The following MLLT3 variants were observed in gnomAD, a reference collection of about 807,000 sequenced individuals.
MLLT3 encodes the protein MLLT3 super elongation complex subunit.
A neutral mutation model predicts 53.2 loss-of-function variants in MLLT3; 4 were observed. That is an observed-to-expected ratio of 0.08 (90% CI 0.04 to 0.17). The LOEUF (loss-of-function observed/expected upper bound fraction) is 0.17, where lower values mean the gene tolerates loss of function less well. MLLT3 is among the 10% of genes least tolerant of loss of function. The pLI is 1.00. For synonymous variants in MLLT3, 283 were observed against 230.6 expected (o/e 1.23, Z -2.06); for missense variants, 569 against 684.0 (o/e 0.83, Z 1.87).
intron 2 of MLLT3, among the ~76,000 whole-genome samples, chr9:20,503,502 T>G (rs1459073910): frequency 6.6e-6 from 1 of 152,112 alleles, no homozygotes; most frequent in South Asian, 2.1e-4. Flanking sequence ...CACATAAGAA[T>G]GAAATTCGAC....
At position 20,591,684 on chromosome 9, in the gene MLLT3, T is replaced by C. The variant is rs115362316; in HGVS notation, c.193+28970A>G. On this transcript the variant is annotated intron_variant, in intron 2 of 10. Coordinates refer to ENST00000380338, the MANE Select transcript of MLLT3 (RefSeq NM_004529.4). ...GTGAACTCACCATTTAGGGAGCATCTTGAATATGAAATATTTCACAGAAAG... is the reference window on the plus strand; with the variant it reads ...GTGAACTCACCATTTAGGGAGCATCCTGAATATGAAATATTTCACAGAAAG... 6.8e-3 allele frequency among the ~76,000 whole-genome samples: 1,029 copies of C among 152,302 alleles called. 18 individuals are homozygous for C. The highest frequency in any genetic ancestry group is 0.024 in the African/African-American group (998 of 41,562).
chr9:20,554,696 C>T (rs1045563624), intron 2 of MLLT3, among the ~76,000 whole-genome samples: 1 of 152,184 alleles, frequency 6.6e-6, no homozygotes, highest in Non-Finnish European at 1.5e-5. Context: ...ATGGGTGACA[C>T]CCTCCAAAGA....
chr9:20,374,965 T>C (rs1034297612), intron 5 of MLLT3, among the ~76,000 whole-genome samples: 1 of 152,236 alleles, frequency 6.6e-6, no homozygotes, highest in East Asian at 1.9e-4. Context: ...ATTGGTATCC[T>C]TGTAAGAACA....
intron 8 of MLLT3, among the ~76,000 whole-genome samples, chr9:20,358,469 T>A (rs905959716): frequency 6.6e-6 from 1 of 152,246 alleles, no homozygotes; most frequent in African/African-American, 2.4e-5. Context: ...AGTATGCTAC[T>A]TAATCAGATA....
chr9:20,471,206 A>T (rs1172902955), intron 2 of MLLT3, among the ~76,000 whole-genome samples: 2 of 152,054 alleles, frequency 1.3e-5, no homozygotes, highest in Non-Finnish European at 2.9e-5. Flanking sequence ...CTGGATGCTT[A>T]TATGAAAAGT....
At chr9:20,460,585 C>G (rs1278211126) in intron 2 of MLLT3, among the ~76,000 whole-genome samples, 1 of 152,164 alleles carries the variant, frequency 6.6e-6, no homozygotes, top group Non-Finnish European at 1.5e-5. Flanking sequence ...CCCTCTCAGA[C>G]TCCTCCACTA....
intron 2 of MLLT3, among the ~76,000 whole-genome samples, chr9:20,611,715 A>T (rs1225555620): frequency 1.3e-5 from 2 of 152,150 alleles, no homozygotes; most frequent in South Asian, 4.1e-4. Flanking sequence ...CATACCAACT[A>T]AATCACACCC....
chr9:20,600,296 G>A (rs547829099), intron 2 of MLLT3, among the ~76,000 whole-genome samples: 1 of 152,302 alleles, frequency 6.6e-6, no homozygotes, highest in East Asian at 1.9e-4. Flanking sequence ...CATGCCTGAT[G>A]CCAGACTAAG....
intron 2 of MLLT3, among the ~76,000 whole-genome samples, chr9:20,493,171 CTT>C (rs1303934899): frequency 6.6e-6 from 1 of 151,896 alleles, no homozygotes; most frequent in Non-Finnish European, 1.5e-5. Context: ...TTATTAGAAA[CTT>C]TATCTTCAAG....
At position 20,504,421 on chromosome 9, in the gene MLLT3, G is replaced by A. The variant is rs571702146; in HGVS notation, c.194-47635C>T. On this transcript the variant is annotated intron_variant, in intron 2 of 10. Transcript: ENST00000380338. Reference sequence around the variant, plus strand: ...CTGAATACTATTCAGCCTTTAAAAAGAAGGAAATCCTGTCATTTTCAACAA... The same window carrying A: ...CTGAATACTATTCAGCCTTTAAAAAAAAGGAAATCCTGTCATTTTCAACAA... Among the ~76,000 whole-genome samples the A allele has an allele frequency of 4.6e-5, 7 of 151,860 alleles. No homozygotes were observed. The South Asian group carries it at 1.5e-3, about 32-fold the overall frequency.
At chr9:20,494,189 T>C (rs1230536857) in intron 2 of MLLT3, among the ~76,000 whole-genome samples, 1 of 152,188 alleles carries the variant, frequency 6.6e-6, no homozygotes, top group Non-Finnish European at 1.5e-5. Context: ...TTGGCTTCCA[T>C]GATTCCTAGG....
At chr9:20,393,059 G>A (rs540821758) in intron 5 of MLLT3, among the ~76,000 whole-genome samples, 3 of 152,208 alleles carry the variant, frequency 2.0e-5, no homozygotes, top group South Asian at 4.2e-4. Flanking sequence ...GGAGGCTGAG[G>A]CAGGAGAATT....
chr9:20,576,417 C>T (rs1236073683), intron 2 of MLLT3, among the ~76,000 whole-genome samples: 1 of 152,170 alleles, frequency 6.6e-6, no homozygotes, highest in Middle Eastern at 3.2e-3. Flanking sequence ...CACAAGAGAT[C>T]TAGGTTTTGG....
At position 20,363,621 on chromosome 9, in the gene MLLT3, G is replaced by A; in HGVS notation, c.1202-16C>T. ...CTCAAAGGACCTGAGTAATGACAAT[G>A]AACCACAGGCAATCAAACATATACT... On this transcript the variant is annotated splice_polypyrimidine_tract_variant and intron_variant, in intron 6 of 10. Transcript: ENST00000380338. 1 of 1,611,738 alleles carries A rather than the reference G, an allele frequency of 6.2e-7. No homozygotes were observed. The highest frequency in any genetic ancestry group is 8.5e-7 in the Non-Finnish European group (1 of 1,179,416).
chr9:20,354,608 C>T (rs895846273), intron 9 of MLLT3, among the ~76,000 whole-genome samples, 200 bp downstream of exon 9: 4 of 152,144 alleles, frequency 2.6e-5, no homozygotes, highest in Admixed American at 6.5e-5. Context: ...CAGCATAAGG[C>T]CAAGCTTAAT....
intron 4 of MLLT3, among the ~76,000 whole-genome samples, chr9:20,444,192 T>C (rs1823631117): frequency 6.6e-6 from 1 of 152,190 alleles, no homozygotes; most frequent in African/African-American, 2.4e-5. Flanking sequence ...AAATTATCTG[T>C]CGTGATCATA....
At chr9:20,543,471 C>T (rs1331664761) in intron 2 of MLLT3, among the ~76,000 whole-genome samples, 3 of 152,138 alleles carry the variant, frequency 2.0e-5, no homozygotes, top group Non-Finnish European at 2.9e-5. Context: ...ATTCCCATAA[C>T]ATATATAAGA....
chr9:20,540,469 A>G (rs1048630592), intron 2 of MLLT3, among the ~76,000 whole-genome samples: 11 of 152,184 alleles, frequency 7.2e-5, no homozygotes, highest in African/African-American at 2.4e-4. Flanking sequence ...GCACACCCAC[A>G]GGTCCAACAC....
At chr9:20,431,218 C>G (rs1444298489) in intron 4 of MLLT3, among the ~76,000 whole-genome samples, 2 of 152,148 alleles carry the variant, frequency 1.3e-5, no homozygotes, top group Non-Finnish European at 2.9e-5. Flanking sequence ...CAGCATTTCT[C>G]TGAATGTAGT....
Sources: gnomAD v4.1 joint callset for allele counts (sites outside exome capture counted in the v4.1 genomes callset) on GRCh38, gnomAD v4.1.1 for gene constraint, MANE v1.5 for transcripts, NCBI Gene and HGNC (gene_info 2026-07-23, HGNC 2026-07-21) for gene names.